The following RP1L1 variants were observed in gnomAD, a reference collection of about 807,000 sequenced individuals.
The protein encoded by RP1L1 is RP1 like 1.
RP1L1 carries 27 observed loss-of-function variants against 15.7 expected under a neutral mutation model. The ratio of observed to expected loss-of-function variants is 1.72; its 90% CI spans 1.27 to 2.38. RP1L1 has a LOEUF of 2.38. Ranked by LOEUF, RP1L1 falls within the 30% of genes most tolerant of loss-of-function variation. The pLI is 0.00. For synonymous variants in RP1L1, 1,813 were observed against 1,276.7 expected, an observed-to-expected ratio of 1.42 and a Z score of -8.96; for missense variants, 4,798 against 3,075.9, an observed-to-expected ratio of 1.56 and a Z score of -13.24.
intron 1 of RP1L1, among the ~76,000 whole-genome samples, chr8:10,630,148 T>C (rs900154371): frequency 2.0e-5 from 3 of 152,214 alleles, no homozygotes; most frequent in Non-Finnish European, 4.4e-5. Flanking sequence ...TCTATCTCTA[T>C]ACCTAGATGG....
intron 3 of RP1L1, 129 bp from the exon 4 acceptor site, chr8:10,613,475 C>T (rs1415478383): frequency 4.5e-5 from 61 of 1,345,612 alleles, no homozygotes; most frequent in Middle Eastern, 2.1e-4. Flanking sequence ...CCAAAATGCA[C>T]GGTGACAGCT....
At chr8:10,618,430 C>T (rs1041128234) in intron 2 of RP1L1, among the ~76,000 whole-genome samples, 1 of 152,182 alleles carries the variant, frequency 6.6e-6, no homozygotes, top group African/African-American at 2.4e-5. Flanking sequence ...TTGCTTCAAC[C>T]CTGGAAGCGG....
rs767495948 is a variant in RP1L1 at position 10,609,660 on chromosome 8, G to A, written c.4438C>T (p.Pro1480Ser). The change falls in exon 4 of 4, where the codon CCG becomes TCG. Residue 1480 changes from proline (P) to serine (S), a missense_variant. Transcript: ENST00000382483. Reference protein sequence around the residue: ...GSQLEPGLEKPPGATMMGQEH... With the variant: ...GSQLEPGLEKSPGATMMGQEH... ...TGGCCCATCATGGTGGCTCCGGGCG[G>A]CTTTTCCAAACCAGGCTCAAGCTGG... 12 of 1,611,162 alleles carry A rather than the reference G, an allele frequency of 7.4e-6. No homozygotes were observed. Among genetic ancestry groups the A allele is most frequent in the South Asian group, 3.3e-5 (3 of 91,084 alleles).
intron 1 of RP1L1, among the ~76,000 whole-genome samples, chr8:10,623,916 A>G (rs934874122): frequency 1.4e-5 from 2 of 147,844 alleles, no homozygotes; most frequent in Non-Finnish European, 3.0e-5. Context: ...CAGCATCACC[A>G]TGTCCCAGAA....
intron 2 of RP1L1, among the ~76,000 whole-genome samples, chr8:10,618,854 G>GT (rs1165901338): frequency 1.3e-5 from 2 of 151,844 alleles, no homozygotes; most frequent in Non-Finnish European, 2.9e-5. Flanking sequence ...TGGTTTTCGT[G>GT]TTTTTTTGTT....
Position 10,612,607 on chromosome 8 carries a change from C to T in RP1L1, c.1491G>A (p.Gly497=). Residue 497 remains glycine, a synonymous_variant, in exon 4 of 4, where the codon GGG becomes GGA. Coordinates refer to ENST00000382483, the MANE Select transcript of RP1L1 (RefSeq NM_178857.6). ...ATAGGCCGGGGTCCTCACCCAGGCTCCCTCCAGCTTTCCGCTCAGCCCCTA... is the reference window on the plus strand; with the variant it reads ...ATAGGCCGGGGTCCTCACCCAGGCTTCCTCCAGCTTTCCGCTCAGCCCCTA... ...AQIGAERKAG[G]SLGEDPGLCI... is the part of the protein sequence containing the mutation. 6.2e-7 allele frequency: 1 copy of T among 1,602,762 alleles called. No homozygotes were observed. Among genetic ancestry groups the T allele is most frequent in the Non-Finnish European group, 8.5e-7 (1 of 1,179,368 alleles).
chr8:10,637,303 G>C (rs928874830), intron 1 of RP1L1, among the ~76,000 whole-genome samples: 2 of 152,198 alleles, frequency 1.3e-5, no homozygotes, highest in Non-Finnish European at 2.9e-5. Context: ...GCAGAGCACA[G>C]GATTTCCTCC....
At position 10,612,304 on chromosome 8, in the gene RP1L1, G is replaced by C. The variant is rs780124839; in HGVS notation, c.1794C>G (p.Thr598=). ...DLQAETQGQG[T]EQATGAAVTR... ...TCACAGCCGCTCCCGTGGCCTGCTCGGTGCCCTGTCCTTGCGTCTCTGCCT... is the reference window on the plus strand; with the variant it reads ...TCACAGCCGCTCCCGTGGCCTGCTCCGTGCCCTGTCCTTGCGTCTCTGCCT... Residue 598 remains threonine (T), a synonymous_variant, in exon 4 of 4, where the codon ACC becomes ACG. Coordinates refer to ENST00000382483, the MANE Select transcript of RP1L1 (RefSeq NM_178857.6). 1 of 1,613,216 alleles carries C rather than the reference G, an allele frequency of 6.2e-7. No individual in the cohort carries two copies. The highest frequency in any genetic ancestry group is 8.5e-7 in the Non-Finnish European group (1 of 1,180,000).
chr8:10,609,487 C>T lies in RP1L1; in HGVS notation c.4611G>A (p.Ala1537=), dbSNP rs372106479. The T allele has an allele frequency of 3.5e-5, 56 of 1,611,298 alleles. No homozygotes were observed. Among genetic ancestry groups the T allele is most frequent in the African/African-American group, 1.6e-4 (12 of 74,914 alleles). ...EKAFLAHLAS[A]VAELRARWGL... ...CCCAGCGTGCTCGGAGCTCAGCCAC[C>T]GCACTGGCAAGGTGGGCCAGGAAGG... The change falls in exon 4 of 4, where the codon GCG becomes GCA. Residue 1537 remains alanine, a synonymous_variant. Coordinates refer to ENST00000382483, the MANE Select transcript of RP1L1 (RefSeq NM_178857.6).
chr8:10,619,644 G>C (rs990545278), intron 2 of RP1L1, among the ~76,000 whole-genome samples: 2 of 152,160 alleles, frequency 1.3e-5, no homozygotes, highest in African/African-American at 4.8e-5. Context: ...TGCCGAGAGA[G>C]GGCTGGGCAC....
intron 1 of RP1L1, among the ~76,000 whole-genome samples, chr8:10,629,625 A>C (rs1195588771): frequency 6.6e-6 from 1 of 152,178 alleles, no homozygotes; most frequent in African/African-American, 2.4e-5. Flanking sequence ...TGTCAGCAAC[A>C]GAGACCCTCC....
Position 10,610,974 on chromosome 8 carries a change from C to T in RP1L1, c.3124G>A (p.Val1042Ile). ...SDTGPQSGEG[V>I]PQGAAPEGVS... The stretch of plus-strand genomic sequence containing the variant: ...CCCTCTGGAGCTGCCCCTTGGGGGA[C>T]ACCCTCTCCTGATTGGGGACCAGTG... The change falls in exon 4 of 4, where the codon GTC (valine) becomes ATC (isoleucine). Residue 1042 changes from valine (V) to isoleucine (I), a missense_variant. Transcript: ENST00000382483. 2 of 1,612,432 alleles carry T rather than the reference C, an allele frequency of 1.2e-6. No homozygotes were observed. The highest frequency in any genetic ancestry group is 1.7e-6 in the Non-Finnish European group (2 of 1,179,864).
chr8:10,617,540 CTTTTTCTTTTTTTTTTTTTT>C (rs1797988215), intron 2 of RP1L1, among the ~76,000 whole-genome samples: 1 of 85,742 alleles, frequency 1.2e-5, no homozygotes, highest in Admixed American at 1.2e-4. Context: ...TTTTCTGTTT[CTTTTTCTTTTTTTTTTTTTT>C]TTTTTTTTTT....
In RP1L1 at chr8:10,607,737, T is replaced by A. The variant is rs1380496268; in HGVS notation, c.6361A>T (p.Thr2121Ser). 8 of 1,481,690 alleles carry A rather than the reference T, an allele frequency of 5.4e-6. No homozygotes were observed. The highest frequency in any genetic ancestry group is 7.2e-6 in the Non-Finnish European group (8 of 1,104,620). The allele number at this position is 1,481,690 out of a possible 1,614,324, so 91.8% of individuals were successfully genotyped here. A position where few individuals can be genotyped will look rare whatever the true frequency, so the allele number is the denominator to read the frequency against. Residue 2121 changes from threonine to serine, a missense_variant, in exon 4 of 4, where the codon ACT becomes TCT. By Grantham distance (58) the Thr-to-Ser change is moderately conservative. Transcript: ENST00000382483. ...QKAEGIEAPETEGEAQPESEG... is the reference protein window; with the variant it reads ...QKAEGIEAPESEGEAQPESEG... ...GACTCTGGCTGGGCCTCCCCTTCAG[T>A]CTCTGGGGCCTCTATACCTTCTGCC...
Position 10,607,232 on chromosome 8 carries a change from T to C in RP1L1, c.6866A>G (p.His2289Arg). The C allele has an allele frequency of 6.2e-7, 1 of 1,614,134 alleles. No individual in the cohort carries two copies. Residue 2289 changes from histidine (H) to arginine (R), a missense_variant, in exon 4 of 4, where the codon CAC (histidine) becomes CGC (arginine). By Grantham distance (29) the His-to-Arg change is conservative. Transcript: ENST00000382483. ...GCCTGTTTGGGAGCCTGGCCTTTGG[T>C]GGGGAGTGTCTCCACCTGGGGAAGG... ...PPPSPGGDTP[H>R]QRPGSQTGPS...
chr8:10,613,026 C>T lies in RP1L1; in HGVS notation c.1072G>A (p.Val358Ile), dbSNP rs369667634. The change falls in exon 4 of 4, where the codon GTT becomes ATT. Residue 358 changes from valine (V) to isoleucine (I), a missense_variant. Transcript: ENST00000382483. ...CAGAGGGGGTCTACCTCCCCCAGAA[C>T]GGGGTCTTCCCCACTGGCTGCCGTG... ...ALTAASGEDPVLGEVDPLCCV... is the reference protein window; with the variant it reads ...ALTAASGEDPILGEVDPLCCV... 5.5e-5 allele frequency: 89 copies of T among 1,613,434 alleles called. 1 individual carries two copies. Among genetic ancestry groups the T allele is most frequent in the Middle Eastern group, 1.6e-4 (1 of 6,084 alleles).
At chr8:10,651,598 G>C (rs1000981552) in intron 1 of RP1L1, among the ~76,000 whole-genome samples, 1 of 151,730 alleles carries the variant, frequency 6.6e-6, no homozygotes, top group Non-Finnish European at 1.5e-5. Context: ...GTGGTGTCAC[G>C]TGCCTGTAGT....
At position 10,653,449 on chromosome 8, in the gene RP1L1, G is replaced by A. The variant is rs1446353489; in HGVS notation, c.-20+1449C>T. Among the ~76,000 whole-genome samples the A allele has an allele frequency of 7.1e-5, 10 of 141,298 alleles. No individual in the cohort carries two copies. The East Asian group carries it at 2.1e-3, about 29-fold the overall frequency. 92.7% of individuals were successfully genotyped at this position (141,298 alleles called of 152,430 possible). A position where few individuals can be genotyped will look rare whatever the true frequency, so the allele number is the denominator to read the frequency against. On this transcript the variant is annotated intron_variant, in intron 1 of 3. Transcript: ENST00000382483. ...CAGGGATCCCTCCAAAACACCAGGT[G>A]TCTCCCTCCAACACACACACACACA...
chr8:10,641,882 GACA>G (rs776293208), intron 1 of RP1L1, among the ~76,000 whole-genome samples: 22 of 152,314 alleles, frequency 1.4e-4, no homozygotes, highest in Non-Finnish European at 2.5e-4. Flanking sequence ...TTCTGAAAAT[GACA>G]ACATTATAGA....
Sources: allele counts gnomAD v4.1 joint callset (sites outside exome capture counted in the v4.1 genomes callset), GRCh38; gene constraint gnomAD v4.1.1; transcripts MANE v1.5; gene names NCBI Gene and HGNC (gene_info 2026-07-23, HGNC 2026-07-21).